RAF1: variants seen among roughly 807,000 people sequenced by gnomAD.
The protein encoded by RAF1 is RAF proto-oncogene serine/threonine-protein kinase.
Under a neutral mutation model 81.1 loss-of-function variants are expected in RAF1, and 27 were observed. The ratio of observed to expected loss-of-function variants is 0.33; its 90% CI spans 0.25 to 0.46. The LOEUF (loss-of-function observed/expected upper bound fraction) is 0.46. Ranked by LOEUF, RAF1 falls within the 20% of genes least tolerant of loss-of-function variation. The pLI, the probability that RAF1 is intolerant of heterozygous loss-of-function variation, is 1.00. For synonymous variants in RAF1, 298 were observed against 294.0 expected (o/e 1.01, Z -0.14); for missense variants, 598 against 826.0 (o/e 0.72, Z 3.38).
intron 2 of RAF1, among the ~76,000 whole-genome samples, chr3:12,617,884 AAAAAAAAAG>A (rs1171623507): frequency 1.4e-5 from 2 of 147,710 alleles, no homozygotes; most frequent in African/African-American, 5.1e-5. Context: ...GTCTCAAAAA[AAAAAAAAAG>A]AAAAGAAAAA....
At chr3:12,648,861 T>A (rs931100969) in intron 1 of RAF1, among the ~76,000 whole-genome samples, 1 of 152,150 alleles carries the variant, frequency 6.6e-6, no homozygotes, top group East Asian at 1.9e-4. Context: ...ACGCCTGTAA[T>A]CCCAGCACTT....
At chr3:12,652,647 C>T (rs972510021) in intron 1 of RAF1, among the ~76,000 whole-genome samples, 2 of 152,090 alleles carry the variant, frequency 1.3e-5, no homozygotes, top group Non-Finnish European at 2.9e-5. Context: ...TAAATAACTG[C>T]AGCATATTAA....
chr3:12,644,306 T>C (rs562480953), intron 1 of RAF1, among the ~76,000 whole-genome samples: 1 of 152,294 alleles, frequency 6.6e-6, no homozygotes, highest in East Asian at 1.9e-4. Context: ...GCATAAATGT[T>C]TCAGTGAAAA....
At chr3:12,651,937 A>G (rs903375604) in intron 1 of RAF1, among the ~76,000 whole-genome samples, 12 of 148,168 alleles carry the variant, frequency 8.1e-5, no homozygotes, top group African/African-American at 2.7e-4. Context: ...TGAACCCAGG[A>G]GGTGGAGGTT....
chr3:12,615,203 G>A (rs561321308), intron 2 of RAF1, among the ~76,000 whole-genome samples: 5 of 152,120 alleles, frequency 3.3e-5, no homozygotes, highest in African/African-American at 4.8e-5. Flanking sequence ...AGTGGTCCTC[G>A]GCTCCAGTCA....
chr3:12,618,369 A>T, intron 2 of RAF1, 146 bp downstream of exon 2: 1 of 818,186 alleles, frequency 1.2e-6, no homozygotes, highest in Non-Finnish European at 2.0e-6. Context: ...ACAGCAATAT[A>T]AAAAAATAAA....
chr3:12,587,681 T>G (rs368190834), intron 13 of RAF1, 44 bp from the exon 13 acceptor site: 17 of 1,525,630 alleles, frequency 1.1e-5, no homozygotes, highest in Non-Finnish European at 1.5e-5. Flanking sequence ...TTGAGGGGCA[T>G]GAGTAGAAAG....
chr3:12,615,698 C>T (rs2059349789), intron 2 of RAF1, among the ~76,000 whole-genome samples: 1 of 152,170 alleles, frequency 6.6e-6, no homozygotes, highest in East Asian at 1.9e-4. Context: ...TGGCTTCCAA[C>T]CACCAGCTGT....
Position 12,618,714 on chromosome 3 carries a change from T to C in RAF1, c.8A>G (p.His3Arg). The C allele has an allele frequency of 6.2e-7, 1 of 1,614,208 alleles. No homozygotes were observed. ...GATCGTCTTCCAAGCTCCCTGTATG[T>C]GCTCCATTGATGCAGCTTAAACAAT... The change falls in exon 2 of 18, where the codon CAC becomes CGC. Residue 3 changes from histidine to arginine, a missense_variant. Physicochemically the swap from His to Arg is conservative, Grantham distance 29. Around this residue, in one of 5 missense-constraint regions of RAF1, gnomAD observed 83 missense variants for 72.3 expected, o/e 1.15. Coordinates refer to ENST00000442415, the MANE Select transcript of RAF1 (RefSeq NM_001354689.3).
intron 12 of RAF1, 37 bp from the exon 12 acceptor site, chr3:12,591,011 A>G: frequency 6.4e-7 from 1 of 1,558,718 alleles, no homozygotes; most frequent in East Asian, 2.2e-5. Flanking sequence ...AGGGAGGAGG[A>G]AAGTGCTCAG....
rs1553609870 is a variant in RAF1 at position 12,584,841 on chromosome 3, C to G, written c.1863+6G>C. 5 of 1,614,044 alleles carry G rather than the reference C, an allele frequency of 3.1e-6. No individual in the cohort carries two copies. The highest frequency in any genetic ancestry group is 4.2e-6 in the Non-Finnish European group (5 of 1,179,942). Reference sequence around the variant, plus strand: ...TTAATCACATTCTAGCAGCCCTGAGCCTTACCTGGGGAAAAAGAGGCCTCT... The same window carrying G: ...TTAATCACATTCTAGCAGCCCTGAGGCTTACCTGGGGAAAAAGAGGCCTCT... On this transcript the variant is annotated splice_donor_region_variant and intron_variant, in intron 17 of 17. Transcript: ENST00000442415.
At chr3:12,615,967 G>C (rs1006588556) in intron 2 of RAF1, among the ~76,000 whole-genome samples, 2 of 152,092 alleles carry the variant, frequency 1.3e-5, no homozygotes, top group South Asian at 4.1e-4. Flanking sequence ...AAGGAGAATC[G>C]CTTGAACCTG....
At chr3:12,591,449 C>T (rs1434687883) in intron 12 of RAF1, among the ~76,000 whole-genome samples, 2 of 152,182 alleles carry the variant, frequency 1.3e-5, no homozygotes, top group Non-Finnish European at 2.9e-5. Context: ...AACCCAGAGA[C>T]AGAAATTGGG....
chr3:12,635,960 G>T (rs1218092025), intron 1 of RAF1, among the ~76,000 whole-genome samples: 1 of 149,314 alleles, frequency 6.7e-6, no homozygotes. Context: ...GCGAAAGTGC[G>T]AGACTCCACC....
chr3:12,591,556 C>T (rs572423569), intron 12 of RAF1, 152 bp downstream of exon 11: 6 of 693,218 alleles, frequency 8.7e-6, no homozygotes, highest in South Asian at 1.6e-5. Context: ...CATCCCTTTG[C>T]TCTCAAGGGA....
At chr3:12,642,454 G>T (rs1296018951) in intron 1 of RAF1, among the ~76,000 whole-genome samples, 1 of 151,618 alleles carries the variant, frequency 6.6e-6, no homozygotes, top group Admixed American at 6.6e-5. Flanking sequence ...AGAGCTTGCA[G>T]TGAGCTGAGA....
At position 12,597,560 on chromosome 3, in the gene RAF1, A is replaced by T. The variant is rs181728887; in HGVS notation, c.1168+2131T>A. Among the ~76,000 whole-genome samples the T allele has an allele frequency of 1.4e-3, 208 of 152,328 alleles. 3 individuals carry two copies. Among genetic ancestry groups the T allele is most frequent in the Admixed American group, 0.013 (194 of 15,294 alleles). ...TTGTTATCTCAGACACAAGTGCTCT[A>T]TCCCACAAAGTGCTTGTGTTCTTTC... On this transcript the variant is annotated intron_variant, in intron 11 of 17. Coordinates refer to ENST00000442415, the MANE Select transcript of RAF1 (RefSeq NM_001354689.3).
At chr3:12,661,658 G>T (rs762444756) in intron 1 of RAF1, among the ~76,000 whole-genome samples, 12 of 152,050 alleles carry the variant, frequency 7.9e-5, no homozygotes, top group Admixed American at 2.0e-4. Flanking sequence ...AGCCGAGATC[G>T]CATCATTGCA....
intron 11 of RAF1, among the ~76,000 whole-genome samples, chr3:12,598,036 G>T (rs768887855): frequency 7.0e-6 from 1 of 143,602 alleles, no homozygotes; most frequent in African/African-American, 2.6e-5. Flanking sequence ...CTGAGACAGG[G>T]TCTTGCCCTT....
Sources: gnomAD v4.1 joint callset for allele counts (sites outside exome capture counted in the v4.1 genomes callset) on GRCh38, gnomAD v4.1.1 for gene constraint, gnomAD v4.1.1 regional missense constraint, MANE v1.5 for transcripts, NCBI Gene and HGNC (gene_info 2026-07-23, HGNC 2026-07-21) for gene names.